ZNRF1: variants seen among roughly 807,000 people sequenced by gnomAD.
ZNRF1 encodes E3 ubiquitin-protein ligase ZNRF1.
In ZNRF1, 3 loss-of-function variants were observed where a neutral mutation model predicts 18.4. The observed-to-expected ratio is 0.16, with a 90% CI of 0.07 to 0.42. The LOEUF (loss-of-function observed/expected upper bound fraction) is 0.42, where lower values mean the gene tolerates loss of function less well. ZNRF1 is among the 10% of genes least tolerant of loss of function. The probability of loss-of-function intolerance (pLI) is 0.99; values close to 1 mark genes in which losing one functional copy is unlikely to be tolerated. For missense variants in ZNRF1, 310 were observed against 329.8 expected, an observed-to-expected ratio of 0.94 and a Z score of 0.47; for synonymous variants, 157 against 144.2, an observed-to-expected ratio of 1.09 and a Z score of -0.64.
intron 1 of ZNRF1, among the ~76,000 whole-genome samples, chr16:75,054,868 T>G (rs988650527): frequency 1.3e-5 from 2 of 152,226 alleles, no homozygotes; most frequent in African/African-American, 4.8e-5. Context: ...CAGCCCTTCT[T>G]GTCTCTAGCC....
At position 75,031,792 on chromosome 16, in the gene ZNRF1, A is replaced by G. The variant is rs1476933446; in HGVS notation, c.424+31697A>G. Among the ~76,000 whole-genome samples the G allele has an allele frequency of 4.6e-5, 7 of 152,124 alleles. No homozygotes were observed. In the East Asian group the frequency reaches 1.4e-3, roughly 29 times the overall value. On this transcript the variant is annotated intron_variant, in intron 1 of 4. Coordinates refer to ENST00000335325, the MANE Select transcript of ZNRF1 (RefSeq NM_032268.5). ...GTTGGAATTACAGGCGTGAGCCACC[A>G]CACCCGGCTATATATACCTACGAGT...
At chr16:75,105,687 T>G (rs1309586733) in intron 3 of ZNRF1, 1 of 152,282 alleles carries the variant, frequency 6.6e-6, no homozygotes, top group Admixed American at 6.5e-5. Context: ...GCCTTGCTTG[T>G]GTCCCAGGGC....
Position 75,093,653 on chromosome 16 carries a change from G to C in ZNRF1, c.506G>C (p.Arg169Pro). 6.2e-7 allele frequency: 1 copy of C among 1,613,872 alleles called. No individual in the cohort carries two copies. The highest frequency in any genetic ancestry group is 8.5e-7 in the Non-Finnish European group (1 of 1,179,796). ...TTTATAATGTGTTTGAGCAAACCTC[G>C]CCTCTCCTACAACGGTAAGGGCTTG... ...MHFIMCLSKPRLSYNDDVLTK... is the reference protein window; with the variant it reads ...MHFIMCLSKPPLSYNDDVLTK... The change falls in exon 2 of 5, where the codon CGC becomes CCC. Residue 169 changes from arginine (R) to proline (P), a missense_variant. Arg to Pro is a moderately radical substitution (Grantham distance 103). Around this residue, in one of 2 missense-constraint regions of ZNRF1, gnomAD observed 293 missense variants for 291.2 expected, o/e 1.01. Transcript: ENST00000335325.
intron 1 of ZNRF1, among the ~76,000 whole-genome samples, chr16:75,082,385 G>A (rs1054790094): frequency 6.6e-6 from 1 of 152,204 alleles, no homozygotes. Context: ...TCATGTGGCT[G>A]GAATACTGTT....
chr16:75,086,659 T>A (rs758694443), intron 1 of ZNRF1, among the ~76,000 whole-genome samples: 3 of 152,136 alleles, frequency 2.0e-5, no homozygotes, highest in Non-Finnish European at 2.9e-5. Context: ...TTATGAAAAT[T>A]AGTTTATTCA....
intron 1 of ZNRF1, among the ~76,000 whole-genome samples, chr16:75,059,094 A>C (rs1456066667): frequency 6.6e-6 from 1 of 152,122 alleles, no homozygotes; most frequent in Non-Finnish European, 1.5e-5. Flanking sequence ...ACTGCCAACC[A>C]TCCGGACTGT....
intron 1 of ZNRF1, among the ~76,000 whole-genome samples, chr16:75,004,036 C>T (rs1187471827): frequency 6.6e-6 from 1 of 151,542 alleles, no homozygotes; most frequent in African/African-American, 2.4e-5. Flanking sequence ...TCATAGCTCA[C>T]TGCAGTCTCA....
chr16:75,004,558 TTTA>T (rs2034893680), intron 1 of ZNRF1, among the ~76,000 whole-genome samples: 1 of 152,250 alleles, frequency 6.6e-6, no homozygotes, highest in Non-Finnish European at 1.5e-5. Flanking sequence ...TAAACTGTTC[TTTA>T]TTGTCATCAA....
At chr16:75,061,281 A>G (rs1033764038) in intron 1 of ZNRF1, among the ~76,000 whole-genome samples, 1 of 152,094 alleles carries the variant, frequency 6.6e-6, no homozygotes, top group East Asian at 1.9e-4. Context: ...CCCATTAACC[A>G]TCCCCACCTC....
chr16:75,094,186 A>G (rs2036172793), intron 2 of ZNRF1, among the ~76,000 whole-genome samples: 1 of 152,218 alleles, frequency 6.6e-6, no homozygotes, highest in South Asian at 2.1e-4. Context: ...AGTCCACACC[A>G]GAGAGCTTGA....
intron 1 of ZNRF1, among the ~76,000 whole-genome samples, chr16:75,011,746 G>A (rs560265432): frequency 5.9e-5 from 9 of 152,274 alleles, no homozygotes; most frequent in Non-Finnish European, 1.2e-4. Flanking sequence ...AATATCTGAC[G>A]AGCCCAGTCA....
intron 1 of ZNRF1, among the ~76,000 whole-genome samples, chr16:75,027,620 A>G (rs1454025002): frequency 6.6e-6 from 1 of 152,056 alleles, no homozygotes; most frequent in Non-Finnish European, 1.5e-5. Context: ...CTTAAATTCC[A>G]TGGTCAGTCA....
At chr16:75,020,814 T>G (rs896228777) in intron 1 of ZNRF1, among the ~76,000 whole-genome samples, 2 of 152,182 alleles carry the variant, frequency 1.3e-5, no homozygotes, top group African/African-American at 4.8e-5. Context: ...AGTGCTGGGA[T>G]TACAGGCGTG....
chr16:75,032,649 T>G (rs2035321318), intron 1 of ZNRF1, among the ~76,000 whole-genome samples: 2 of 152,178 alleles, frequency 1.3e-5, no homozygotes, highest in Admixed American at 6.5e-5. Flanking sequence ...CAAATCATGT[T>G]CTGATAAGGA....
At chr16:75,014,701 T>C (rs1387168873) in intron 1 of ZNRF1, among the ~76,000 whole-genome samples, 3 of 152,166 alleles carry the variant, frequency 2.0e-5, no homozygotes, top group Non-Finnish European at 2.9e-5. Context: ...TATCTTCAAC[T>C]CATAATTAAA....
intron 1 of ZNRF1, among the ~76,000 whole-genome samples, chr16:75,007,075 T>TTTTA (rs2034929106): frequency 6.6e-6 from 1 of 151,992 alleles, no homozygotes; most frequent in Non-Finnish European, 1.5e-5. Flanking sequence ...TTTTTTTTTT[T>TTTTA]TTTAAGACAG....
At chr16:75,054,779 G>A (rs1240642725) in intron 1 of ZNRF1, among the ~76,000 whole-genome samples, 1 of 152,208 alleles carries the variant, frequency 6.6e-6, no homozygotes, top group African/African-American at 2.4e-5. Context: ...CACGTGGAGC[G>A]TGGCTTCTCT....
intron 1 of ZNRF1, among the ~76,000 whole-genome samples, chr16:75,039,897 GT>G (rs1406009216): frequency 1.3e-5 from 2 of 152,180 alleles, no homozygotes; most frequent in South Asian, 2.1e-4. Context: ...TCCTCCAGAT[GT>G]TGTGGGATAT....
chr16:75,080,761 C>T (rs922886073), intron 1 of ZNRF1, among the ~76,000 whole-genome samples: 2 of 152,148 alleles, frequency 1.3e-5, no homozygotes, highest in African/African-American at 4.8e-5. Flanking sequence ...TAAGTCCCAG[C>T]TACTTGAGGG....
Sources: allele counts gnomAD v4.1 joint callset (sites outside exome capture counted in the v4.1 genomes callset), GRCh38; gene constraint gnomAD v4.1.1; regional missense constraint gnomAD v4.1.1; transcripts MANE v1.5; gene names NCBI Gene and HGNC (gene_info 2026-07-23, HGNC 2026-07-21).